Variants in BAZ2B observed in about 807,000 individuals in gnomAD.
BAZ2B encodes the protein bromodomain adjacent to zinc finger domain protein 2B.
Under a neutral mutation model 246.0 loss-of-function variants are expected in BAZ2B, and 91 were observed. That is an observed-to-expected ratio of 0.37 (90% CI 0.31 to 0.44). The LOEUF (loss-of-function observed/expected upper bound fraction) is 0.44, where lower values mean the gene tolerates loss of function less well. Ranked by LOEUF, BAZ2B falls within the 20% of genes least tolerant of loss-of-function variation. BAZ2B has a pLI of 1.00. For missense variants in BAZ2B, 2,332 were observed against 2,533.7 expected (o/e 0.92, Z 1.71); for synonymous variants, 855 against 860.0 (o/e 0.99, Z 0.10).
chr2:159,577,026 G>T (rs557657246), intron 1 of BAZ2B, among the ~76,000 whole-genome samples: 1 of 151,434 alleles, frequency 6.6e-6, no homozygotes, highest in African/African-American at 2.4e-5. Context: ...AGGAGTTCAA[G>T]AGCAGCCTAG....
rs766811132 is a variant in BAZ2B at position 159,549,824 on chromosome 2, CTTTT to C, written c.-3+5995_-3+5998del. Among the ~76,000 whole-genome samples, 636 of 131,118 alleles carry C rather than the reference CTTTT, an allele frequency of 4.9e-3. 6 individuals carry two copies. Among genetic ancestry groups the C allele is most frequent in the African/African-American group, 0.016 (601 of 36,570 alleles). 86.0% of individuals were successfully genotyped at this position (131,118 alleles called of 152,430 possible). ...CACACTGGCATAAACTTTTTTCTTTCTTTTTTTTTTTTTTTTTGATACAGAGTCT... is the reference window on the plus strand; with the variant it reads ...CACACTGGCATAAACTTTTTTCTTTCTTTTTTTTTTTTTGATACAGAGTCT... On this transcript the variant is annotated intron_variant, in intron 2 of 36. Transcript: ENST00000392783.
chr2:159,382,508 A>G (rs1412773878), intron 25 of BAZ2B, 51 bp downstream of exon 25: 1 of 1,495,290 alleles, frequency 6.7e-7, no homozygotes, highest in South Asian at 1.3e-5. Flanking sequence ...CTGTTTTTAA[A>G]AATATGTTAT....
At chr2:159,478,093 G>A (rs538254385) in intron 3 of BAZ2B, among the ~76,000 whole-genome samples, 4 of 152,134 alleles carry the variant, frequency 2.6e-5, no homozygotes, top group Admixed American at 1.3e-4. Flanking sequence ...GTGAGCCACC[G>A]TGCTCAGCCA....
At position 159,326,769 on chromosome 2, in the gene BAZ2B, C is replaced by T. The variant is rs530921620; in HGVS notation, c.5944-851G>A. Among the ~76,000 whole-genome samples the T allele has an allele frequency of 1.4e-3, 215 of 152,220 alleles. 2 individuals carry two copies. The highest frequency in any genetic ancestry group is 1.4e-3 in the Non-Finnish European group (96 of 68,014). On this transcript the variant is annotated intron_variant, in intron 34 of 36. Transcript: ENST00000392783. ...AACATGGTCTTATGCAATATAACTA[C>T]AAATTGCAGGCAGCACACTGATGCA...
the BAZ2B span, among the ~76,000 whole-genome samples, chr2:159,631,133 C>T: frequency 3.9e-5 from 6 of 152,160 alleles, no homozygotes; most frequent in South Asian, 1.2e-3. Flanking sequence ...GAGGGCAAAA[C>T]TACAGTGAGC....
the BAZ2B span, among the ~76,000 whole-genome samples, chr2:159,702,479 A>G: frequency 6.6e-6 from 1 of 152,186 alleles, no homozygotes; most frequent in Non-Finnish European, 1.5e-5. Flanking sequence ...TTCTTAATAC[A>G]TCCCATTAAA....
At chr2:159,328,069 C>CAAAAAAAAA (rs1558959778) in intron 34 of BAZ2B, among the ~76,000 whole-genome samples, 5 of 111,524 alleles carry the variant, frequency 4.5e-5, no homozygotes, top group Non-Finnish European at 7.0e-5. Flanking sequence ...AGCCTCAAAA[C>CAAAAAAAAA]GAAAAAAAAA....
intron 13 of BAZ2B, among the ~76,000 whole-genome samples, chr2:159,415,444 C>A (rs866574171): frequency 8.1e-4 from 92 of 112,894 alleles, no homozygotes; most frequent in Admixed American, 9.7e-4. Context: ...GACTCCGTCT[C>A]AAAAAAAAAA....
At position 159,438,700 on chromosome 2, in the gene BAZ2B, A is replaced by G. The variant is rs761266503; in HGVS notation, c.901-5T>C. The stretch of plus-strand genomic sequence containing the variant: ...TGAAATACCATGTAATAGCACCTAG[A>G]TATAAAAATGAAAAGGTAAGTTCCT... On this transcript the variant is annotated splice_region_variant and splice_polypyrimidine_tract_variant and intron_variant, in intron 7 of 36. Coordinates refer to ENST00000392783, the MANE Select transcript of BAZ2B (RefSeq NM_013450.4). 2 of 1,568,578 alleles carry G rather than the reference A, an allele frequency of 1.3e-6. No individual in the cohort carries two copies. Among genetic ancestry groups the G allele is most frequent in the Non-Finnish European group, 1.7e-6 (2 of 1,165,696 alleles).
At chr2:159,527,500 T>C (rs945657302) in intron 2 of BAZ2B, among the ~76,000 whole-genome samples, 12 of 152,220 alleles carry the variant, frequency 7.9e-5, no homozygotes, top group Admixed American at 7.2e-4. Context: ...ATCATGTTTT[T>C]GCATCACATG....
intron 31 of BAZ2B, among the ~76,000 whole-genome samples, chr2:159,342,831 T>C (rs948714761): frequency 6.6e-6 from 1 of 152,108 alleles, no homozygotes; most frequent in Non-Finnish European, 1.5e-5. Context: ...ATTGTTAAAA[T>C]GATAATACTA....
At chr2:159,448,479 T>C in intron 4 of BAZ2B, 70 bp from the exon 5 acceptor site, 1 of 1,479,108 alleles carries the variant, frequency 6.8e-7, no homozygotes, top group Admixed American at 2.6e-5. Context: ...ACAATGGCTT[T>C]CTATGTTTTA....
intron 13 of BAZ2B, 39 bp from the exon 14 acceptor site, chr2:159,412,584 CAAAAT>C (rs1344888128): frequency 6.5e-7 from 1 of 1,538,186 alleles, no homozygotes; most frequent in East Asian, 2.5e-5. Context: ...ATATTACAAA[CAAAAT>C]AAACACAAGA....
downstream of BAZ2B, among the ~76,000 whole-genome samples, chr2:159,315,703 A>T (rs1558905696): frequency 6.6e-6 from 1 of 152,236 alleles, no homozygotes; most frequent in Non-Finnish European, 1.5e-5. Context: ...ATTAACCCCG[A>T]CACAATGTGG....
intron 13 of BAZ2B, 92 bp from the exon 14 acceptor site, chr2:159,412,637 A>C: frequency 7.9e-7 from 1 of 1,267,110 alleles, no homozygotes; most frequent in Non-Finnish European, 1.1e-6. Flanking sequence ...AAAATCACAT[A>C]TATTTTGGAA....
chr2:159,632,830 AAAAGT>A, the BAZ2B span, among the ~76,000 whole-genome samples: 1 of 152,170 alleles, frequency 6.6e-6, no homozygotes, highest in African/African-American at 2.4e-5. Flanking sequence ...TCACTGATGA[AAAAGT>A]AAAGTTCCAA....
chr2:159,599,639 A>G (rs2151751863), intron 1 of BAZ2B, among the ~76,000 whole-genome samples: 1 of 150,510 alleles, frequency 6.6e-6, no homozygotes, highest in East Asian at 2.0e-4. Flanking sequence ...AAGAAAAAAG[A>G]AAAAAAGAAA....
chr2:159,709,638 T>C, the BAZ2B span, among the ~76,000 whole-genome samples: 8 of 152,256 alleles, frequency 5.3e-5, no homozygotes, highest in Non-Finnish European at 8.8e-5. Context: ...CCACATCTTT[T>C]CAATGTCCCA....
At chr2:159,517,279 G>A (rs927724924) in intron 2 of BAZ2B, among the ~76,000 whole-genome samples, 8 of 151,554 alleles carry the variant, frequency 5.3e-5, no homozygotes, top group Non-Finnish European at 5.9e-5. Context: ...TTGTTAGCTT[G>A]AAAACTAAGT....
Sources: allele counts gnomAD v4.1 joint callset (sites outside exome capture counted in the v4.1 genomes callset), GRCh38; gene constraint gnomAD v4.1.1; transcripts MANE v1.5; gene names NCBI Gene and HGNC (gene_info 2026-07-23, HGNC 2026-07-21).